HELZ: variants seen among roughly 807,000 people sequenced by gnomAD.
HELZ encodes the protein helicase with zinc finger.
HELZ carries 23 observed loss-of-function variants against 218.2 expected under a neutral mutation model. The observed-to-expected ratio is 0.11, with a 90% CI of 0.08 to 0.15. HELZ has a LOEUF of 0.15. HELZ is among the 10% of genes least tolerant of loss of function. The pLI is 1.00. For missense variants in HELZ, 1,813 were observed against 2,353.7 expected (o/e 0.77, Z 4.75); for synonymous variants, 814 against 829.4 (o/e 0.98, Z 0.32).
chr17:67,135,360 T>C (rs1326561378), intron 23 of HELZ, among the ~76,000 whole-genome samples: 1 of 152,138 alleles, frequency 6.6e-6, no homozygotes, highest in Admixed American at 6.5e-5. Context: ...TAAAAGTTAA[T>C]ATCCATCAAA....
intron 15 of HELZ, among the ~76,000 whole-genome samples, chr17:67,165,918 G>C (rs1031087422): frequency 6.6e-6 from 1 of 152,138 alleles, no homozygotes; most frequent in Admixed American, 6.5e-5. Context: ...GGTCTCTTGA[G>C]GCCAGGATTT....
At chr17:67,224,886 G>A (rs2143371578) in intron 3 of HELZ, 4 of 773,864 alleles carry the variant, frequency 5.2e-6, no homozygotes, top group South Asian at 2.7e-5. Context: ...AAACTAAGCC[G>A]ATCTTCCGGA....
intron 31 of HELZ, 112 bp from the exon 32 acceptor site, chr17:67,087,193 T>C: frequency 1.0e-6 from 1 of 995,606 alleles, no homozygotes; most frequent in Non-Finnish European, 1.5e-6. Context: ...GTCAAGAATA[T>C]ACTGTGACTG....
At chr17:67,137,136 A>AT in intron 22 of HELZ, among the ~76,000 whole-genome samples, 1 of 152,190 alleles carries the variant, frequency 6.6e-6, no homozygotes, top group Non-Finnish European at 1.5e-5. Flanking sequence ...GGTGTATATC[A>AT]TTTTTTCTTA....
At chr17:67,230,328 T>C (rs2041002800) in intron 3 of HELZ, among the ~76,000 whole-genome samples, 1 of 152,130 alleles carries the variant, frequency 6.6e-6, no homozygotes, top group Non-Finnish European at 1.5e-5. Context: ...CTGGGCACAG[T>C]GGCTCATGCC....
chr17:67,101,096 C>T (rs559586558), intron 31 of HELZ, among the ~76,000 whole-genome samples: 9 of 126,100 alleles, frequency 7.1e-5, no homozygotes, highest in Middle Eastern at 5.0e-3. Flanking sequence ...GGTGACAGAG[C>T]GAGACTCCGT....
At chr17:67,119,155 C>T (rs2143814291) in intron 27 of HELZ, among the ~76,000 whole-genome samples, 1 of 152,156 alleles carries the variant, frequency 6.6e-6, no homozygotes, top group African/African-American at 2.4e-5. Flanking sequence ...CAATCTCACT[C>T]CCAGGTATTT....
Position 67,218,765 on chromosome 17 carries a change from A to C in HELZ, c.40T>G (p.Cys14Gly), listed in dbSNP as rs1364440437. 1.2e-6 allele frequency: 2 copies of C among 1,614,242 alleles called. No individual in the cohort carries two copies. The highest frequency in any genetic ancestry group is 1.1e-5 in the South Asian group (1 of 91,086). ...RRAEKSCEQA[C>G]ESLKRQDYEM... Reference sequence around the variant, plus strand: ...TAGTCCTGCCTCTTAAGTGATTCACATGCTTGTTCACATGACTTTTCAGCT... The same window carrying C: ...TAGTCCTGCCTCTTAAGTGATTCACCTGCTTGTTCACATGACTTTTCAGCT... Residue 14 changes from cysteine (C) to glycine (G), a missense_variant, in exon 4 of 33, where the codon TGT becomes GGT. By Grantham distance (159) the Cys-to-Gly change is radical. Transcript: ENST00000358691.
rs751993214 is a variant in HELZ at position 67,075,047 on chromosome 17, G to A, written c.*3205C>T. 7 of 152,040 alleles carry A rather than the reference G, an allele frequency of 4.6e-5. No homozygotes were observed. Among genetic ancestry groups the A allele is most frequent in the Admixed American group, 4.6e-4 (7 of 15,266 alleles). The allele number at this position is 152,040 out of a possible 1,614,324, so 9.4% of individuals were successfully genotyped here. On this transcript the variant is annotated 3_prime_UTR_variant, in exon 33 of 33. Coordinates refer to ENST00000358691, the MANE Select transcript of HELZ (RefSeq NM_014877.4). Reference sequence around the variant, plus strand: ...AATTTGGCAAAGCATATGCCCAAATGACAACCAAAACCCCCTTTAAAGACA... The same window carrying A: ...AATTTGGCAAAGCATATGCCCAAATAACAACCAAAACCCCCTTTAAAGACA...
chr17:67,230,119 A>G (rs929848898), intron 3 of HELZ, among the ~76,000 whole-genome samples: 3 of 152,158 alleles, frequency 2.0e-5, no homozygotes, highest in Admixed American at 1.3e-4. Context: ...TAAAATTGAG[A>G]TTTTTTTTCC....
At chr17:67,211,020 C>T (rs1389886514) in intron 5 of HELZ, among the ~76,000 whole-genome samples, 2 of 152,144 alleles carry the variant, frequency 1.3e-5, no homozygotes, top group Non-Finnish European at 2.9e-5. Flanking sequence ...GATGTTCAGA[C>T]AATGAAAAGT....
rs1273446695 is a variant in HELZ at position 67,188,497 on chromosome 17, G to A, written c.984C>T (p.Asn328=). The change falls in exon 12 of 33, where the codon AAC becomes AAT. Residue 328 remains asparagine, a synonymous_variant. Transcript: ENST00000358691. The surrounding 1 kb of genome is among the most constrained non-coding windows in gnomAD (Gnocchi z 4.1). Reference sequence around the variant, plus strand: ...TCTTTCCTCCTATCCATTCTTGACAGTTTTCTGGGACTTCTTGTGATACCT... The same window carrying A: ...TCTTTCCTCCTATCCATTCTTGACAATTTTCTGGGACTTCTTGTGATACCT... The part of the protein sequence containing the change: ...TTQVSQEVPE[N]CQEWIGGKMA... The A allele has an allele frequency of 6.2e-7, 1 of 1,613,902 alleles. No homozygotes were observed. Among genetic ancestry groups the A allele is most frequent in the East Asian group, 2.2e-5 (1 of 44,864 alleles).
At chr17:67,190,017 T>C (rs2039852356) in intron 10 of HELZ, 140 bp downstream of exon 10, 1 of 696,744 alleles carries the variant, frequency 1.4e-6, no homozygotes, top group African/African-American at 1.8e-5. Flanking sequence ...CTACTATAGC[T>C]ACTAAAAACA....
chr17:67,191,504 C>A (rs918628958), intron 9 of HELZ, among the ~76,000 whole-genome samples: 6 of 151,824 alleles, frequency 4.0e-5, no homozygotes, highest in African/African-American at 1.2e-4. Flanking sequence ...CAGGCTAGAG[C>A]GCAGTGGCAC....
rs2143478986 is a variant in HELZ, at chr17:67,074,064, A to G, written c.*4188T>C. On this transcript the variant is annotated 3_prime_UTR_variant, in exon 33 of 33. Coordinates refer to ENST00000358691, the MANE Select transcript of HELZ (RefSeq NM_014877.4). ...TTCTTTCTAATTTCTAGGCGGTTTGAATGTGGATCAGATGGCAAAGAGTGG... is the reference window on the plus strand; with the variant it reads ...TTCTTTCTAATTTCTAGGCGGTTTGGATGTGGATCAGATGGCAAAGAGTGG... The G allele has an allele frequency of 6.6e-6, 1 of 152,328 alleles. No homozygotes were observed. The highest frequency in any genetic ancestry group is 1.5e-5 in the Non-Finnish European group (1 of 68,010). 9.4% of individuals were successfully genotyped at this position (152,328 alleles called of 1,614,324 possible).
chr17:67,108,314 T>C lies in HELZ; in HGVS notation c.4724+178A>G, dbSNP rs1567806479. 5.2e-6 allele frequency: 3 copies of C among 575,898 alleles called. No homozygotes were observed. The highest frequency in any genetic ancestry group is 1.9e-5 in the African/African-American group (1 of 53,592). 35.7% of individuals were successfully genotyped at this position (575,898 alleles called of 1,614,324 possible). A position where few individuals can be genotyped will look rare whatever the true frequency, so the allele number is the denominator to read the frequency against. ...TGCCTAAATTTGTAGAAGAGTTACT[T>C]CTAAATGAGTTTTCTGTATTTTAGA... On this transcript the variant is annotated intron_variant, in intron 30 of 32. Coordinates refer to ENST00000358691, the MANE Select transcript of HELZ (RefSeq NM_014877.4). The surrounding 1 kb of genome is among the most constrained non-coding windows in gnomAD (Gnocchi z 4.1).
chr17:67,143,025 T>C (rs1005166779), intron 21 of HELZ, among the ~76,000 whole-genome samples: 3 of 152,120 alleles, frequency 2.0e-5, no homozygotes, highest in African/African-American at 7.2e-5. Context: ...CCTCCTAATG[T>C]GCTGGGATTA....
chr17:67,095,858 C>T (rs1487607946), intron 31 of HELZ, among the ~76,000 whole-genome samples: 2 of 152,208 alleles, frequency 1.3e-5, no homozygotes, highest in African/African-American at 4.8e-5. Context: ...TTAATGGCAT[C>T]TAGAATGGTG....
In HELZ at chr17:67,087,211, C is replaced by T. The variant is rs2036421617; in HGVS notation, c.5242-130G>A. The T allele has an allele frequency of 3.7e-6, 3 of 817,106 alleles. 1 individual carries two copies. In the South Asian group the frequency reaches 5.3e-5, roughly 15 times the overall value. The allele number at this position is 817,106 out of a possible 1,614,324, so 50.6% of individuals were successfully genotyped here. A position where few individuals can be genotyped will look rare whatever the true frequency, so the allele number is the denominator to read the frequency against. ...AAGAATATACTGTGACTGTGAAACC[C>T]TCCCTCCACCCTACTCCCACCAAAA... On this transcript the variant is annotated intron_variant, in intron 31 of 32. Transcript: ENST00000358691.
Sources: allele counts gnomAD v4.1 joint callset (sites outside exome capture counted in the v4.1 genomes callset), GRCh38; gene constraint gnomAD v4.1.1; non-coding constraint Gnocchi (gnomAD v3.1); transcripts MANE v1.5; gene names NCBI Gene and HGNC (gene_info 2026-07-23, HGNC 2026-07-21).